The following SLC4A8 variants were observed in gnomAD, a reference collection of about 807,000 sequenced individuals.
The protein encoded by SLC4A8 is solute carrier family 4 member 8.
A neutral mutation model predicts 125.0 loss-of-function variants in SLC4A8; 40 were observed. That is an observed-to-expected ratio of 0.32 (90% CI 0.25 to 0.42). The LOEUF is 0.42. SLC4A8 is among the 10% of genes least tolerant of loss of function. The pLI is 1.00. For synonymous variants in SLC4A8, 456 were observed against 476.0 expected, an observed-to-expected ratio of 0.96 and a Z score of 0.55; for missense variants, 863 against 1,355.1, an observed-to-expected ratio of 0.64 and a Z score of 5.70.
At chr12:51,504,783 T>A (rs954481688) in intron 23 of SLC4A8, among the ~76,000 whole-genome samples, 2 of 152,344 alleles carry the variant, frequency 1.3e-5, no homozygotes, top group East Asian at 3.9e-4. Flanking sequence ...CTTCTGCCAA[T>A]GATTTTAGCC....
chr12:51,421,072 A>G (rs1948779931), upstream of SLC4A8, among the ~76,000 whole-genome samples: 1 of 151,850 alleles, frequency 6.6e-6, no homozygotes, highest in Non-Finnish European at 1.5e-5. Context: ...TGTATTTTCC[A>G]TTTTCTTGTC....
chr12:51,410,365 T>C (rs1201654776), intron 1 of SLC4A8, among the ~76,000 whole-genome samples: 1 of 152,232 alleles, frequency 6.6e-6, no homozygotes, highest in Admixed American at 6.5e-5. Context: ...TTTACTTTAC[T>C]AGGAATATAT....
chr12:51,401,226 C>T (rs1043066667), intron 1 of SLC4A8, among the ~76,000 whole-genome samples: 1 of 152,190 alleles, frequency 6.6e-6, no homozygotes, highest in African/African-American at 2.4e-5. Context: ...CGTCTGTAGG[C>T]GGCTGTGCTA....
intron 1 of SLC4A8, among the ~76,000 whole-genome samples, chr12:51,415,696 C>T (rs766250753): frequency 4.0e-5 from 6 of 150,846 alleles, no homozygotes; most frequent in Non-Finnish European, 8.8e-5. Flanking sequence ...TAATGTAAAC[C>T]TTTATTGTTA....
Position 51,469,654 on chromosome 12 carries a change from C to T in SLC4A8, c.1390C>T (p.Pro464Ser). 6.2e-7 allele frequency: 1 copy of T among 1,606,666 alleles called. No homozygotes were observed. ...GLVLDIKRKA[P>S]WYWSDYRDAL... ...GGTGCTGGACATCAAGCGGAAGGCC[C>T]CCTGGTACTGGAGCGACTACCGAGA... Residue 464 changes from proline (P) to serine (S), a missense_variant, in exon 12 of 25, where the codon CCC becomes TCC. By Grantham distance (74) the Pro-to-Ser change is moderately conservative. Coordinates refer to ENST00000453097, the MANE Select transcript of SLC4A8 (RefSeq NM_001039960.3).
chr12:51,490,028 C>G, intron 19 of SLC4A8, 77 bp downstream of exon 19: 1 of 1,377,114 alleles, frequency 7.3e-7, no homozygotes, highest in Non-Finnish European at 1.0e-6. Flanking sequence ...GCTGGAAATA[C>G]AGTGGTGCCA....
At chr12:51,463,886 G>A (rs928445630) in intron 11 of SLC4A8, among the ~76,000 whole-genome samples, 172 bp downstream of exon 11, 1 of 152,232 alleles carries the variant, frequency 6.6e-6, no homozygotes, top group Admixed American at 6.5e-5. Flanking sequence ...ATCAAATATC[G>A]TATTCATTCA....
intron 16 of SLC4A8, chr12:51,479,951 A>G (rs1453299909): frequency 4.9e-6 from 2 of 410,070 alleles, no homozygotes; most frequent in Admixed American, 3.0e-5. Flanking sequence ...CTACAAGGCC[A>G]AGTTTTGTAT....
chr12:51,468,322 C>T (rs1016252527), intron 11 of SLC4A8, among the ~76,000 whole-genome samples: 2 of 152,204 alleles, frequency 1.3e-5, no homozygotes, highest in East Asian at 1.9e-4. Context: ...CTCTTGAATC[C>T]ATCCACTTCT....
At chr12:51,431,753 G>A (rs1394067417) in intron 1 of SLC4A8, among the ~76,000 whole-genome samples, 1 of 152,182 alleles carries the variant, frequency 6.6e-6, no homozygotes, top group African/African-American at 2.4e-5. Context: ...GAAGATGGAA[G>A]TGAATAAGGA....
At chr12:51,396,677 TATTTA>T (rs1358233370) in intron 1 of SLC4A8, among the ~76,000 whole-genome samples, 4 of 29,682 alleles carry the variant, frequency 1.3e-4, no homozygotes, top group South Asian at 1.9e-3. Context: ...ACCCCATCTT[TATTTA>T]AAAAAAAAAA....
intron 1 of SLC4A8, among the ~76,000 whole-genome samples, chr12:51,436,094 T>C (rs985408001): frequency 2.6e-5 from 4 of 152,236 alleles, no homozygotes; most frequent in Non-Finnish European, 4.4e-5. Context: ...AATTTAGGAC[T>C]GCATGGCTCT....
intron 11 of SLC4A8, 94 bp from the exon 12 acceptor site, chr12:51,469,520 C>T (rs931703320): frequency 9.9e-5 from 112 of 1,135,774 alleles, no homozygotes; most frequent in Non-Finnish European, 1.3e-4. Context: ...TACCGCTGAA[C>T]AGAGCACATT....
In SLC4A8 at chr12:51,515,405, A is replaced by C. The variant is rs765247876; in HGVS notation, c.*7967A>C. ...CAGAGCAACCTTCCCTCGGAAGGAG[A>C]CAATTCGAGGTGCTGGTACATTTCC... On this transcript the variant is annotated 3_prime_UTR_variant, in exon 25 of 25. Coordinates refer to ENST00000453097, the MANE Select transcript of SLC4A8 (RefSeq NM_001039960.3). 3 of 152,216 alleles carry C rather than the reference A, an allele frequency of 2.0e-5. No homozygotes were observed. Among genetic ancestry groups the C allele is most frequent in the Non-Finnish European group, 4.4e-5 (3 of 68,046 alleles). The allele number at this position is 152,216 out of a possible 1,614,324, so 9.4% of individuals were successfully genotyped here.
chr12:51,480,412 G>A (rs1039211354), intron 16 of SLC4A8: 1 of 1,117,410 alleles, frequency 8.9e-7, no homozygotes, highest in Admixed American at 4.9e-5. Flanking sequence ...TTATCTGTGA[G>A]TGAAAAGTGG....
At chr12:51,391,775 GC>G (rs1948119527) in intron 1 of SLC4A8, 1 of 152,282 alleles carries the variant, frequency 6.6e-6, no homozygotes, top group African/African-American at 2.4e-5. Context: ...CCTGCTGCGG[GC>G]CCGGGAACTC....
rs1950642658 is a variant in SLC4A8 at position 51,469,892 on chromosome 12, G to A, written c.1524+104G>A. 2.8e-5 allele frequency: 29 copies of A among 1,033,198 alleles called. 1 individual carries two copies. In the South Asian group the frequency reaches 2.9e-4, roughly 10 times the overall value. 64.0% of individuals were successfully genotyped at this position (1,033,198 alleles called of 1,614,324 possible). On this transcript the variant is annotated intron_variant, in intron 12 of 24. Coordinates refer to ENST00000453097, the MANE Select transcript of SLC4A8 (RefSeq NM_001039960.3). Reference sequence around the variant, plus strand: ...AAATTACTTGGTCTAGGACTGAAGAGATTGGATTTTTCCTCTGAATTACCA... The same window carrying A: ...AAATTACTTGGTCTAGGACTGAAGAAATTGGATTTTTCCTCTGAATTACCA...
At chr12:51,452,893 C>A (rs573056618) in intron 4 of SLC4A8, among the ~76,000 whole-genome samples, 37 of 152,306 alleles carry the variant, frequency 2.4e-4, no homozygotes, top group African/African-American at 8.9e-4. Flanking sequence ...GATGCCTGAG[C>A]TTTGGGGAAG....
At chr12:51,392,571 C>CAAAAAAAAA (rs35992841) in intron 1 of SLC4A8, among the ~76,000 whole-genome samples, 1 of 119,166 alleles carries the variant, frequency 8.4e-6, no homozygotes, top group Non-Finnish European at 1.7e-5. Context: ...GATTCCGTAT[C>CAAAAAAAAA]AAAAAAAAAA....
Sources: allele counts gnomAD v4.1 joint callset (sites outside exome capture counted in the v4.1 genomes callset), GRCh38; gene constraint gnomAD v4.1.1; transcripts MANE v1.5; gene names NCBI Gene and HGNC (gene_info 2026-07-23, HGNC 2026-07-21).